The following CLEC18C variants were observed in gnomAD, a reference collection of about 807,000 sequenced individuals.
CLEC18C encodes the protein mannose receptor-like 3.
In CLEC18C, 2 loss-of-function variants were observed where a neutral mutation model predicts 27.2. The ratio of observed to expected loss-of-function variants is 0.07; its 90% CI spans 0.03 to 0.23. CLEC18C has a LOEUF of 0.23. CLEC18C is among the 10% of genes least tolerant of loss of function. The pLI is 1.00. For missense variants in CLEC18C, 31 were observed against 269.0 expected, an observed-to-expected ratio of 0.12 and a Z score of 6.19; for synonymous variants, 13 against 112.8, an observed-to-expected ratio of 0.12 and a Z score of 5.61.
intron 4 of CLEC18C, among the ~76,000 whole-genome samples, chr16:70,179,240 GA>G (rs1968382269): frequency 7.4e-6 from 1 of 135,404 alleles, no homozygotes; most frequent in Admixed American, 7.1e-5. Context: ...CCCACTTCCC[GA>G]AGATCTTCTG....
chr16:70,177,535 T>G lies in CLEC18C; in HGVS notation c.456+55T>G, dbSNP rs888599719. 4.5e-6 allele frequency: 6 copies of G among 1,340,454 alleles called. 1 individual carries two copies. Among genetic ancestry groups the G allele is most frequent in the Non-Finnish European group, 6.1e-6 (6 of 980,866 alleles). The allele number at this position is 1,340,454 out of a possible 1,614,324, so 83.0% of individuals were successfully genotyped here. A position where few individuals can be genotyped will look rare whatever the true frequency, so the allele number is the denominator to read the frequency against. ...CCAGCTCCCAGATACAGACTTCCAC[T>G]GGTCCATCTCAGAAGAGGCTACAGT... On this transcript the variant is annotated intron_variant, in intron 4 of 12. Coordinates refer to ENST00000541793, the MANE Select transcript of CLEC18C (RefSeq NM_173619.4).
chr16:70,178,362 C>G (rs1199371964), intron 4 of CLEC18C, among the ~76,000 whole-genome samples: 3 of 134,928 alleles, frequency 2.2e-5, no homozygotes, highest in Non-Finnish European at 4.8e-5. Flanking sequence ...ATTCAGGTGA[C>G]TGTCCTGCCT....
rs2152136152 is a variant in CLEC18C at position 70,173,881 on chromosome 16, C to T, written c.-177C>T. The T allele has an allele frequency of 4.0e-6, 1 of 247,210 alleles. No individual in the cohort carries two copies. The highest frequency in any genetic ancestry group is 1.3e-4 in the East Asian group (1 of 7,980). The allele number at this position is 247,210 out of a possible 1,614,324, so 15.3% of individuals were successfully genotyped here. ...AAGCCATCAGTGGGCTCGGAGGACA[C>T]TGTCCCAGCCAGGACACGGCCATCG... On this transcript the variant is annotated 5_prime_UTR_variant, in exon 1 of 13. Transcript: ENST00000541793.
rs1597406900 is a variant in CLEC18C, at chr16:70,177,410, C to G, written c.386C>G (p.Ala129Gly). ...SFVEVVSLWF[A>G]EGQRYSHAAG... ...GTTGAAGTGGTCAGCCTATGGTTTG[C>G]AGAGGGGCAGCGGTACAGCCACGCG... The change falls in exon 4 of 13, where the codon GCA becomes GGA. Residue 129 changes from alanine (A) to glycine (G), a missense_variant. By Grantham distance (60) the Ala-to-Gly change is moderately conservative (BLOSUM62 0). Coordinates refer to ENST00000541793, the MANE Select transcript of CLEC18C (RefSeq NM_173619.4). 1 of 1,612,544 alleles carries G rather than the reference C, an allele frequency of 6.2e-7. No individual in the cohort carries two copies.
chr16:70,176,550 GA>G (rs1968293270), intron 3 of CLEC18C, among the ~76,000 whole-genome samples: 1 of 151,280 alleles, frequency 6.6e-6, no homozygotes, highest in African/African-American at 2.5e-5. Context: ...CCAACATGGT[GA>G]AACCCCGTCT....
chr16:70,179,460 C>A, intron 4 of CLEC18C, among the ~76,000 whole-genome samples: 1 of 127,640 alleles, frequency 7.8e-6, no homozygotes, highest in Non-Finnish European at 1.6e-5. Flanking sequence ...GACAGGGTTT[C>A]ACCGTATTAG....
chr16:70,176,487 G>A (rs1209519979), intron 3 of CLEC18C, among the ~76,000 whole-genome samples: 2 of 150,426 alleles, frequency 1.3e-5, no homozygotes, highest in Non-Finnish European at 2.9e-5. Context: ...CAGCACTCTG[G>A]GAGGCTGACA....
chr16:70,179,860 G>A (rs1457531204), intron 4 of CLEC18C, among the ~76,000 whole-genome samples: 10 of 143,810 alleles, frequency 7.0e-5, no homozygotes, highest in East Asian at 4.2e-4. Flanking sequence ...CACCTGCCTC[G>A]GCCTCCCAAA....
chr16:70,176,490 G>T (rs1345343052), intron 3 of CLEC18C, among the ~76,000 whole-genome samples: 1 of 150,556 alleles, frequency 6.6e-6, no homozygotes, highest in Non-Finnish European at 1.5e-5. Flanking sequence ...CACTCTGGGA[G>T]GCTGACACAA....
chr16:70,177,526 G>T lies in CLEC18C; in HGVS notation c.456+46G>T, dbSNP rs1435690040. On this transcript the variant is annotated intron_variant, in intron 4 of 12. Coordinates refer to ENST00000541793, the MANE Select transcript of CLEC18C (RefSeq NM_173619.4). ...GCCAGCGTGCCAGCTCCCAGATACA[G>T]ACTTCCACTGGTCCATCTCAGAAGA... 5.2e-6 allele frequency: 7 copies of T among 1,347,006 alleles called. 1 individual carries two copies. The highest frequency in any genetic ancestry group is 7.1e-6 in the Non-Finnish European group (7 of 984,670). The allele number at this position is 1,347,006 out of a possible 1,614,324, so 83.4% of individuals were successfully genotyped here.
Position 70,179,958 on chromosome 16 carries a change from T to C in CLEC18C, c.457-1892T>C, listed in dbSNP as rs1007457352. ...ATGTGAATGTTTAGATCATTAATTTTAAATCATTTTTTGTTTCTACTATAT... is the reference window on the plus strand; with the variant it reads ...ATGTGAATGTTTAGATCATTAATTTCAAATCATTTTTTGTTTCTACTATAT... On this transcript the variant is annotated intron_variant, in intron 4 of 12. Coordinates refer to ENST00000541793, the MANE Select transcript of CLEC18C (RefSeq NM_173619.4). 4.8e-5 allele frequency among the ~76,000 whole-genome samples: 6 copies of C among 125,128 alleles called. 1 individual carries two copies. The highest frequency in any genetic ancestry group is 1.5e-4 in the African/African-American group (5 of 33,378). 82.1% of individuals were successfully genotyped at this position (125,128 alleles called of 152,430 possible). A position where few individuals can be genotyped will look rare whatever the true frequency, so the allele number is the denominator to read the frequency against.
chr16:70,174,653 A>AG, intron 2 of CLEC18C: 1 of 737,184 alleles, frequency 1.4e-6, no homozygotes. Context: ...GGGCCTGGAG[A>AG]AATCCGTGGC....
At chr16:70,175,766 C>G (rs1269418917) in intron 3 of CLEC18C, among the ~76,000 whole-genome samples, 2 of 110,708 alleles carry the variant, frequency 1.8e-5, no homozygotes. Flanking sequence ...CAGGTGGCCA[C>G]AGTGGCGACC....
rs1968425188 is a variant in CLEC18C, at chr16:70,180,603, G to C, written c.457-1247G>C. On this transcript the variant is annotated intron_variant, in intron 4 of 12. Coordinates refer to ENST00000541793, the MANE Select transcript of CLEC18C (RefSeq NM_173619.4). ...CCTAAAAACGATACATATTCTTTAAGTGTTGGATACATGTATATGATCACA... is the reference window on the plus strand; with the variant it reads ...CCTAAAAACGATACATATTCTTTAACTGTTGGATACATGTATATGATCACA... Among the ~76,000 whole-genome samples the C allele has an allele frequency of 5.0e-5, 7 of 140,036 alleles. No individual in the cohort carries two copies. The South Asian group carries it at 1.6e-3, about 31-fold the overall frequency. The allele number at this position is 140,036 out of a possible 152,430, so 91.9% of individuals were successfully genotyped here.
chr16:70,185,835 G>A lies in CLEC18C; in HGVS notation c.1212-50G>A, dbSNP rs371951177. On this transcript the variant is annotated intron_variant, in intron 11 of 12. Transcript: ENST00000541793. ...TGGGTGGAGGGCTTAGGCCTCTCCC[G>A]GATCCCTGACTTCACTCTTGCCTCC... 7.8e-5 allele frequency: 119 copies of A among 1,529,486 alleles called. 1 individual carries two copies. The highest frequency in any genetic ancestry group is 2.4e-4 in the African/African-American group (10 of 41,670). 94.7% of individuals were successfully genotyped at this position (1,529,486 alleles called of 1,614,324 possible). A position where few individuals can be genotyped will look rare whatever the true frequency, so the allele number is the denominator to read the frequency against.
intron 12 of CLEC18C, 121 bp downstream of exon 12, chr16:70,186,097 A>T: frequency 8.6e-7 from 1 of 1,165,354 alleles, no homozygotes; most frequent in Non-Finnish European, 1.2e-6. Flanking sequence ...ACACGGGGCC[A>T]TAGAGGATGC....
chr16:70,178,509 G>C (rs1458654933), intron 4 of CLEC18C, among the ~76,000 whole-genome samples: 1 of 140,844 alleles, frequency 7.1e-6, no homozygotes, highest in East Asian at 2.2e-4. Flanking sequence ...CCACCTGCGT[G>C]GGCCTCCCAA....
At position 70,174,179 on chromosome 16, in the gene CLEC18C, C is replaced by CTTT; in HGVS notation, c.-99_-98insTTT. The CTTT allele has an allele frequency of 9.2e-7, 1 of 1,087,476 alleles. No individual in the cohort carries two copies. 67.4% of individuals were successfully genotyped at this position (1,087,476 alleles called of 1,614,324 possible). A position where few individuals can be genotyped will look rare whatever the true frequency, so the allele number is the denominator to read the frequency against. Reference sequence around the variant, plus strand: ...TCCCTCTTTTGTCCACCAGCCCAGCCTGACTCCTGGAGATTGTGAATAGCT... The same window carrying CTTT: ...TCCCTCTTTTGTCCACCAGCCCAGCCTTTTGACTCCTGGAGATTGTGAATAGCT... On this transcript the variant is annotated 5_prime_UTR_variant, in exon 2 of 13. The change abolishes the stop of an existing upstream ORF in the 5' untranslated region. Coordinates refer to ENST00000541793, the MANE Select transcript of CLEC18C (RefSeq NM_173619.4).
In CLEC18C at chr16:70,174,446, A is replaced by G. The variant is rs1362980286; in HGVS notation, c.124+44A>G. ...GGAGGTAGGTGGAGGCACCATTATG[A>G]GCTCTGAGGAGTGGGTGCTAGGAGA... On this transcript the variant is annotated intron_variant, in intron 2 of 12. Transcript: ENST00000541793. 6.8e-5 allele frequency: 88 copies of G among 1,291,816 alleles called. 21 individuals carry two copies. Among genetic ancestry groups the G allele is most frequent in the Non-Finnish European group, 8.8e-5 (86 of 972,566 alleles). 80.0% of individuals were successfully genotyped at this position (1,291,816 alleles called of 1,614,324 possible).
Sources: gnomAD v4.1 joint callset for allele counts (sites outside exome capture counted in the v4.1 genomes callset) on GRCh38, gnomAD v4.1.1 for gene constraint, MANE v1.5 for transcripts, NCBI Gene and HGNC (gene_info 2026-07-23, HGNC 2026-07-21) for gene names.